The following SORCS1 variants were observed in gnomAD, a reference collection of about 807,000 sequenced individuals.
SORCS1 encodes VPS10 domain-containing receptor SorCS1.
Under a neutral mutation model 146.1 loss-of-function variants are expected in SORCS1, and 60 were observed. The observed-to-expected ratio is 0.41, with a 90% CI of 0.33 to 0.51. SORCS1 has a LOEUF of 0.51. Ranked by LOEUF, SORCS1 falls within the 20% of genes least tolerant of loss-of-function variation. The pLI is 0.21. For synonymous variants in SORCS1, 637 were observed against 584.0 expected (o/e 1.09, Z -1.31); for missense variants, 1,352 against 1,487.6 (o/e 0.91, Z 1.50).
rs1284107173 is a variant in SORCS1 at position 106,574,887 on chromosome 10, C to G, written c.*2533G>C. On this transcript the variant is annotated 3_prime_UTR_variant, in exon 26 of 26. Transcript: ENST00000263054. ...CATCTTTGGTCACTTCCCAAAATGC[C>G]AGGTATCTCATGTCGACCTCTATTT... 1 of 152,542 alleles carries G rather than the reference C, an allele frequency of 6.6e-6. No individual in the cohort carries two copies. Among genetic ancestry groups the G allele is most frequent in the Non-Finnish European group, 1.5e-5 (1 of 68,026 alleles). 9.4% of individuals were successfully genotyped at this position (152,542 alleles called of 1,614,324 possible).
rs772414855 is a variant in SORCS1, at chr10:106,675,029, C to T, written c.1940+20G>A. ...ACTCTTTTCTATGAAGGCTGGACCA[C>T]ATCATACTTTTCAACTTACGTCATG... is the stretch of plus-strand genomic sequence containing the variant. On this transcript the variant is annotated intron_variant, in intron 14 of 25. Coordinates refer to ENST00000263054, the MANE Select transcript of SORCS1 (RefSeq NM_052918.5). 3 of 1,578,360 alleles carry T rather than the reference C, an allele frequency of 1.9e-6. No homozygotes were observed. In the Admixed American group the frequency reaches 5.0e-5, roughly 26 times the overall value.
intron 1 of SORCS1, among the ~76,000 whole-genome samples, chr10:107,084,743 T>C (rs1348889578): frequency 6.6e-6 from 1 of 152,178 alleles, no homozygotes; most frequent in Non-Finnish European, 1.5e-5. Flanking sequence ...CTTAACTAAC[T>C]TCCTGACCCA....
At chr10:106,836,236 A>G (rs537262434) in intron 2 of SORCS1, among the ~76,000 whole-genome samples, 1 of 151,904 alleles carries the variant, frequency 6.6e-6, no homozygotes, top group Admixed American at 6.5e-5. Flanking sequence ...GAACTTTGGG[A>G]GGCCGAGGCG....
the SORCS1 span, among the ~76,000 whole-genome samples, chr10:107,173,741 G>T: frequency 6.6e-6 from 1 of 152,034 alleles, no homozygotes; most frequent in Non-Finnish European, 1.5e-5. Flanking sequence ...AAGGTTCAAG[G>T]TTCATGTTGT....
chr10:106,844,413 T>C (rs1229369232), intron 2 of SORCS1, among the ~76,000 whole-genome samples: 1 of 152,034 alleles, frequency 6.6e-6, no homozygotes, highest in Non-Finnish European at 1.5e-5. Flanking sequence ...TTTTCTTCTA[T>C]GTTTTCTTCT....
At chr10:107,010,105 C>T (rs1031742270) in intron 1 of SORCS1, among the ~76,000 whole-genome samples, 10 of 152,158 alleles carry the variant, frequency 6.6e-5, no homozygotes, top group Non-Finnish European at 1.2e-4. Context: ...AAATTAGTAA[C>T]AGTCATCCAC....
chr10:106,958,820 G>A (rs1186349341), intron 1 of SORCS1, among the ~76,000 whole-genome samples: 2 of 152,074 alleles, frequency 1.3e-5, no homozygotes, highest in East Asian at 1.9e-4. Flanking sequence ...TTCAATCACC[G>A]CCATCCCAGG....
intron 3 of SORCS1, among the ~76,000 whole-genome samples, chr10:106,779,547 A>T (rs7079042): frequency 0.033 from 2,825 of 84,660 alleles, 127 homozygotes; most frequent in African/African-American, 0.042. Flanking sequence ...TATGGCCCAT[A>T]TTTTTTTTTT....
At chr10:106,735,625 A>C (rs1211514942) in intron 5 of SORCS1, among the ~76,000 whole-genome samples, 1 of 152,208 alleles carries the variant, frequency 6.6e-6, no homozygotes. Flanking sequence ...CCTAGCTCAA[A>C]GAAAGGATGA....
At chr10:106,807,868 GCAATGT>G (rs1947264071) in intron 3 of SORCS1, among the ~76,000 whole-genome samples, 1 of 152,208 alleles carries the variant, frequency 6.6e-6, no homozygotes, top group African/African-American at 2.4e-5. Context: ...GTATTAGTTT[GCAATGT>G]CAATGCATTC....
intron 1 of SORCS1, among the ~76,000 whole-genome samples, chr10:107,091,655 C>A (rs993131351): frequency 6.6e-6 from 1 of 152,186 alleles, no homozygotes; most frequent in Non-Finnish European, 1.5e-5. Context: ...GAATAAGTCA[C>A]CGAGATTCAA....
intron 8 of SORCS1, 53 bp from the exon 9 acceptor site, chr10:106,699,446 C>T (rs1172575272): frequency 1.3e-6 from 2 of 1,496,762 alleles, no homozygotes; most frequent in Non-Finnish European, 1.8e-6. Context: ...ATACATTAAC[C>T]TGGCAGGCAT....
At position 106,712,022 on chromosome 10, in the gene SORCS1, T is replaced by G. The variant is rs902042115; in HGVS notation, c.1025-2681A>C. On this transcript the variant is annotated intron_variant, in intron 6 of 25. Coordinates refer to ENST00000263054, the MANE Select transcript of SORCS1 (RefSeq NM_052918.5). ...GTAGTTCATAAGAAATCCTTTCATC[T>G]TCCTGAGTCTTGCTGTTACTGCAAT... Among the ~76,000 whole-genome samples the G allele has an allele frequency of 3.9e-5, 6 of 152,330 alleles. No homozygotes were observed. The South Asian group carries it at 1.2e-3, about 32-fold the overall frequency.
chr10:107,098,986 A>G (rs993986243), intron 1 of SORCS1, among the ~76,000 whole-genome samples: 2 of 152,240 alleles, frequency 1.3e-5, no homozygotes, highest in African/African-American at 2.4e-5. Context: ...CAATGCGTAC[A>G]GTACTGAATT....
chr10:106,792,105 C>T (rs1352665052), intron 3 of SORCS1, among the ~76,000 whole-genome samples: 2 of 152,184 alleles, frequency 1.3e-5, no homozygotes, highest in Non-Finnish European at 1.5e-5. Context: ...TTTCTATCTT[C>T]ATCTACATTT....
intron 6 of SORCS1, among the ~76,000 whole-genome samples, chr10:106,726,000 C>A (rs1856135617): frequency 6.6e-6 from 1 of 151,412 alleles, no homozygotes; most frequent in Non-Finnish European, 1.5e-5. Flanking sequence ...CGTAGTGCAG[C>A]TGATGAGACT....
At chr10:107,098,444 G>A (rs551628537) in intron 1 of SORCS1, among the ~76,000 whole-genome samples, 5 of 152,246 alleles carry the variant, frequency 3.3e-5, no homozygotes, top group African/African-American at 1.2e-4. Context: ...ATCAATAATT[G>A]TATGTTTTGT....
At chr10:107,117,318 A>G (rs760815445) in intron 1 of SORCS1, among the ~76,000 whole-genome samples, 1 of 152,224 alleles carries the variant, frequency 6.6e-6, no homozygotes, top group Non-Finnish European at 1.5e-5. Context: ...AGAGGTATAT[A>G]TCTGAGAACA....
Position 107,161,800 on chromosome 10 carries a change from A to G in SORCS1, c.558+2169T>C, listed in dbSNP as rs560771788. On this transcript the variant is annotated intron_variant, in intron 1 of 25. Coordinates refer to ENST00000263054, the MANE Select transcript of SORCS1 (RefSeq NM_052918.5). ...GGCTTTGTTTTGGAGGACATAGATA[A>G]AGACTATTTCTCTTTCTCCACTATC... Among the ~76,000 whole-genome samples, 23 of 152,336 alleles carry G rather than the reference A, an allele frequency of 1.5e-4. No homozygotes were observed. The East Asian group carries it at 4.4e-3, about 29-fold the overall frequency.
Sources: allele counts gnomAD v4.1 joint callset (sites outside exome capture counted in the v4.1 genomes callset), GRCh38; gene constraint gnomAD v4.1.1; transcripts MANE v1.5; gene names NCBI Gene and HGNC (gene_info 2026-07-23, HGNC 2026-07-21).